CHLSN: variants seen among roughly 807,000 people sequenced by gnomAD.
The protein encoded by CHLSN is protein cholesin.
the CHLSN span, chr7:1,026,923 A>G: frequency 6.6e-6 from 1 of 152,236 alleles, no homozygotes; most frequent in East Asian, 1.9e-4. Context: ...CAGGGCTTTG[A>G]GTATAAACTG....
chr7:1,058,735 C>G, the CHLSN span: 1 of 578,414 alleles, frequency 1.7e-6, no homozygotes, highest in Non-Finnish European at 3.1e-6. Context: ...GAGGCCTGTG[C>G]GTCTCCCAAA....
chr7:983,345 A>G, the CHLSN span: 5 of 1,537,744 alleles, frequency 3.3e-6, no homozygotes, highest in Non-Finnish European at 4.4e-6. Flanking sequence ...GGGAACCTGC[A>G]CTTGCTGCGT....
chr7:1,037,460 G>A, the CHLSN span, among the ~76,000 whole-genome samples: 49 of 129,536 alleles, frequency 3.8e-4, 2 homozygotes, highest in African/African-American at 1.4e-3. Context: ...TGGCCGGGCC[G>A]GTCTCCAGCC....
At chr7:1,075,099 C>G in the CHLSN span, among the ~76,000 whole-genome samples, 1 of 152,164 alleles carries the variant, frequency 6.6e-6, no homozygotes, top group Non-Finnish European at 1.5e-5. Flanking sequence ...GCAGCCTTGC[C>G]GCCACCTCCA....
chr7:1,017,250 G>A, the CHLSN span, among the ~76,000 whole-genome samples: 3 of 152,218 alleles, frequency 2.0e-5, no homozygotes, highest in African/African-American at 7.2e-5. Flanking sequence ...GTCTCTCAGA[G>A]GGAAGATAAG....
the CHLSN span, among the ~76,000 whole-genome samples, chr7:1,002,508 CCTGTGGGTGGGGAGT>C: frequency 1.4e-5 from 1 of 72,792 alleles, no homozygotes; most frequent in Non-Finnish European, 2.5e-5. Context: ...TGAGTGGAGT[CCTGTGGGTGGGGAGT>C]CCTGTGGGTG....
At chr7:1,135,889 A>G in the CHLSN span, among the ~76,000 whole-genome samples, 2 of 135,372 alleles carry the variant, frequency 1.5e-5, no homozygotes, top group African/African-American at 5.5e-5. Flanking sequence ...ATGAATATAT[A>G]AATATATAAG....
At chr7:1,113,483 A>G in the CHLSN span, among the ~76,000 whole-genome samples, 1 of 152,060 alleles carries the variant, frequency 6.6e-6, no homozygotes, top group African/African-American at 2.4e-5. Context: ...ACTTGCTTCG[A>G]CCGTCCACAC....
the CHLSN span, among the ~76,000 whole-genome samples, chr7:1,063,756 C>G: frequency 9.8e-5 from 15 of 152,368 alleles, no homozygotes; most frequent in Non-Finnish European, 1.8e-4. Flanking sequence ...AAAGAAGCGC[C>G]TCTTTAGGGA....
the CHLSN span, among the ~76,000 whole-genome samples, chr7:1,123,747 C>T: frequency 6.6e-6 from 1 of 152,114 alleles, no homozygotes; most frequent in Admixed American, 6.6e-5. The surrounding 1 kb of genome is among the most constrained non-coding windows in gnomAD (Gnocchi z 4.4). Context: ...CATCTGAAAA[C>T]CCTCCCAGTA....
the CHLSN span, among the ~76,000 whole-genome samples, chr7:1,085,241 A>G: frequency 1.4e-4 from 21 of 152,226 alleles, no homozygotes; most frequent in Non-Finnish European, 2.5e-4. Context: ...CTTTCCTTTT[A>G]TTCTATCCTG....
chr7:1,103,193 G>A, the CHLSN span, among the ~76,000 whole-genome samples: 2 of 152,220 alleles, frequency 1.3e-5, no homozygotes, highest in African/African-American at 4.8e-5. Flanking sequence ...AGGCGTTTAC[G>A]TGGCTATCCA....
the CHLSN span, among the ~76,000 whole-genome samples, chr7:1,076,789 G>T: frequency 4.6e-5 from 7 of 152,262 alleles, no homozygotes; most frequent in African/African-American, 1.4e-4. Context: ...GCCGGGGGAG[G>T]AGAGCATGGG....
chr7:1,016,858 CACAGCACACA>C, the CHLSN span, among the ~76,000 whole-genome samples: 1 of 81,164 alleles, frequency 1.2e-5, no homozygotes, highest in Non-Finnish European at 2.6e-5. Context: ...CACAGCAGCA[CACAGCACACA>C]GCAGCGCACA....
At chr7:1,097,382 G>C in the CHLSN span, among the ~76,000 whole-genome samples, 1 of 152,230 alleles carries the variant, frequency 6.6e-6, no homozygotes, top group Non-Finnish European at 1.5e-5. This position sits in a 1 kb window ranked among gnomAD's most constrained non-coding sequence, Gnocchi z 4.3. Flanking sequence ...CCTCGCCAAA[G>C]CTGGGACAAC....
the CHLSN span, chr7:1,010,227 C>T: frequency 2.3e-6 from 3 of 1,306,976 alleles, no homozygotes; most frequent in South Asian, 2.9e-5. Context: ...CGAGCCCACC[C>T]TCACCTCAGT....
the CHLSN span, chr7:1,075,914 T>TA: frequency 9.3e-4 from 134 of 144,788 alleles, no homozygotes; most frequent in Middle Eastern, 7.0e-3. Flanking sequence ...TCACATTTAT[T>TA]AAAAAAAAAA....
chr7:1,005,358 C>T, the CHLSN span, among the ~76,000 whole-genome samples: 8 of 152,324 alleles, frequency 5.3e-5, no homozygotes, highest in East Asian at 9.7e-4. Flanking sequence ...GAAAACTGAG[C>T]GAGGGTCTCT....
the CHLSN span, chr7:1,021,423 G>A: frequency 2.0e-6 from 2 of 985,378 alleles, no homozygotes; most frequent in East Asian, 1.1e-4. Context: ...GAAGGGCTCT[G>A]CCCAGCCTTC....
Sources: allele counts gnomAD v4.1 joint callset (sites outside exome capture counted in the v4.1 genomes callset), GRCh38; gene constraint gnomAD v4.1.1; non-coding constraint Gnocchi (gnomAD v3.1); transcripts MANE v1.5; gene names NCBI Gene and HGNC (gene_info 2026-07-23, HGNC 2026-07-21).